RNPC3: variants seen among roughly 807,000 people sequenced by gnomAD.
RNPC3 encodes the protein RNA binding region (RNP1, RRM) containing 3, also known as RNA-binding region-containing protein 3.
In RNPC3, 48 loss-of-function variants were observed where a neutral mutation model predicts 67.5. That is an observed-to-expected ratio of 0.71 (90% CI 0.56 to 0.90). The LOEUF is 0.90. Among genes scored for constraint, RNPC3 ranks in the 40% least tolerant of loss-of-function variants. RNPC3 has a pLI of 0.00. For synonymous variants in RNPC3, 239 were observed against 210.3 expected (o/e 1.14, Z -1.18); for missense variants, 637 against 626.1 (o/e 1.02, Z -0.19).
Position 103,555,135 on chromosome 1 carries a change from T to C in RNPC3, c.*114T>C, listed in dbSNP as rs569601616. The C allele has an allele frequency of 1.5e-4, 23 of 152,232 alleles. No homozygotes were observed. The highest frequency in any genetic ancestry group is 5.3e-4 in the African/African-American group (22 of 41,582). 9.4% of individuals were successfully genotyped at this position (152,232 alleles called of 1,614,324 possible). On this transcript the variant is annotated 3_prime_UTR_variant, in exon 15 of 15. Coordinates refer to ENST00000423855, the MANE Select transcript of RNPC3 (RefSeq NM_017619.4). ...GTGCGTAACAGCTTTGAAAGTGTAT[T>C]TAAAAATTAAATCTATATGCCTTTA...
chr1:103,539,433 A>T (rs1418474174), intron 7 of RNPC3, among the ~76,000 whole-genome samples: 1 of 152,228 alleles, frequency 6.6e-6, no homozygotes, highest in Non-Finnish European at 1.5e-5. Context: ...ACATTTAGGG[A>T]AACAGGCAGT....
rs1650700294 is a variant in RNPC3, at chr1:103,526,162, T to C, written c.92T>C (p.Val31Ala). Residue 31 changes from valine (V) to alanine (A), a missense_variant, in exon 1 of 15, where the codon GTC (valine) becomes GCC (alanine). Val to Ala is a moderately conservative substitution (Grantham distance 64). This residue lies in a region of RNPC3 where 536 missense variants were observed against 500.3 expected (regional missense o/e 1.07). Coordinates refer to ENST00000423855, the MANE Select transcript of RNPC3 (RefSeq NM_017619.4). ...CCTCGGGGCGACCGAACCCTTCTGG[T>C]CAGGCACCTGCCGGCTGAGCTTACT... The part of the protein sequence containing the change: ...SPPRGDRTLL[V>A]RHLPAELTAE... The C allele has an allele frequency of 6.4e-7, 1 of 1,551,556 alleles. No homozygotes were observed. The highest frequency in any genetic ancestry group is 1.4e-5 in the African/African-American group (1 of 73,160).
chr1:103,534,996 ATATCT>A (rs1164878768), intron 4 of RNPC3, 139 bp downstream of exon 4: 3 of 543,720 alleles, frequency 5.5e-6, no homozygotes, highest in Admixed American at 7.3e-5. Flanking sequence ...TTATATACAG[ATATCT>A]TATTGCAAAT....
At chr1:103,551,454 AT>A (rs1231816305) in intron 13 of RNPC3, among the ~76,000 whole-genome samples, 3 of 152,218 alleles carry the variant, frequency 2.0e-5, no homozygotes, top group Non-Finnish European at 4.4e-5. Context: ...TATATCATTG[AT>A]TAACCATCTT....
At chr1:103,545,202 C>A in intron 10 of RNPC3, 100 bp downstream of exon 10, 2 of 932,270 alleles carry the variant, frequency 2.1e-6, no homozygotes, top group Non-Finnish European at 3.1e-6. Context: ...TAATTTAAGG[C>A]ACATACTTTA....
intron 12 of RNPC3, among the ~76,000 whole-genome samples, chr1:103,549,398 A>G (rs1350066234): frequency 1.3e-5 from 2 of 152,120 alleles, no homozygotes; most frequent in African/African-American, 2.4e-5. Flanking sequence ...ACAATTCTCT[A>G]TTTATATCCA....
chr1:103,525,880 AAG>A lies in RNPC3; in HGVS notation c.-188_-187del. On this transcript the variant is annotated 5_prime_UTR_variant, in exon 1 of 15. Transcript: ENST00000423855. ...ATCATTAGCACCGCGCCCTTCCCCG[AAG>A]AGTCTTCGAAGGGTTGCCGCTTTTC... 1.8e-6 allele frequency: 1 copy of A among 566,446 alleles called. No individual in the cohort carries two copies. 35.1% of individuals were successfully genotyped at this position (566,446 alleles called of 1,614,324 possible).
rs183982814 is a variant in RNPC3, at chr1:103,537,162, A to C, written c.625-180A>C. Among the ~76,000 whole-genome samples the C allele has an allele frequency of 3.3e-5, 5 of 152,270 alleles. No individual in the cohort carries two copies. In the South Asian group the frequency reaches 6.2e-4, roughly 19 times the overall value. ...TAGTTCAGCTGAGGGTAAAGGAAGA[A>C]GAGACAAATTTTGTCATCAGCTAGT... On this transcript the variant is annotated intron_variant, in intron 6 of 14. Transcript: ENST00000423855.
chr1:103,538,743 G>A (rs1222639296), intron 7 of RNPC3, among the ~76,000 whole-genome samples: 1 of 152,112 alleles, frequency 6.6e-6, no homozygotes, highest in Non-Finnish European at 1.5e-5. Flanking sequence ...ACTTACCTCA[G>A]AATAATTTCT....
rs1245545741 is a variant in RNPC3, at chr1:103,541,371, A to G, written c.789A>G (p.Leu263=). Residue 263 remains leucine, a synonymous_variant, in exon 8 of 15, where the codon CTA becomes CTG. Coordinates refer to ENST00000423855, the MANE Select transcript of RNPC3 (RefSeq NM_017619.4). The part of the protein sequence containing the change: ...DRQRMNKLME[L]ANLQPKRPKT... Reference sequence around the variant, plus strand: ...GTAGAATGAACAAATTAATGGAACTAGCAAATCTTCAGCCCAAAAGACCTA... The same window carrying G: ...GTAGAATGAACAAATTAATGGAACTGGCAAATCTTCAGCCCAAAAGACCTA... 2.7e-6 allele frequency: 4 copies of G among 1,505,194 alleles called. No homozygotes were observed. The highest frequency in any genetic ancestry group is 3.5e-6 in the Non-Finnish European group (4 of 1,135,980). The allele number at this position is 1,505,194 out of a possible 1,614,324, so 93.2% of individuals were successfully genotyped here. A position where few individuals can be genotyped will look rare whatever the true frequency, so the allele number is the denominator to read the frequency against.
At chr1:103,535,244 G>A (rs1387455988) in intron 4 of RNPC3, 86 bp from the exon 5 acceptor site, 1 of 775,544 alleles carries the variant, frequency 1.3e-6, no homozygotes, top group African/African-American at 1.7e-5. Context: ...CATTTGAGCA[G>A]TGTGTTTGTT....
rs181479342 is a variant in RNPC3 at position 103,541,887 on chromosome 1, T to C, written c.893+412T>C. Among the ~76,000 whole-genome samples, 325 of 152,176 alleles carry C rather than the reference T, an allele frequency of 2.1e-3. 2 individuals are homozygous for C. The highest frequency in any genetic ancestry group is 7.6e-3 in the African/African-American group (315 of 41,580). On this transcript the variant is annotated intron_variant, in intron 8 of 14. Coordinates refer to ENST00000423855, the MANE Select transcript of RNPC3 (RefSeq NM_017619.4). ...ACATCAGTGTGTTTATATACAGTTA[T>C]TTAGTTTCTCTTAACTCCATCACCT...
chr1:103,553,856 C>T (rs951216654), intron 14 of RNPC3: 23 of 152,278 alleles, frequency 1.5e-4, no homozygotes, highest in African/African-American at 5.5e-4. Context: ...AAGTATCTTT[C>T]TTCTTTCCCC....
chr1:103,537,638 G>C (rs771900198), intron 7 of RNPC3, among the ~76,000 whole-genome samples, 154 bp downstream of exon 7: 2 of 152,064 alleles, frequency 1.3e-5, no homozygotes, highest in Non-Finnish European at 2.9e-5. Flanking sequence ...ATATATAGCA[G>C]CTATAAATTA....
intron 12 of RNPC3, among the ~76,000 whole-genome samples, chr1:103,549,317 C>T (rs563401386): frequency 2.2e-4 from 34 of 152,252 alleles, no homozygotes; most frequent in African/African-American, 7.2e-4. Flanking sequence ...TCAAGTGACA[C>T]CAATACTTTA....
intron 8 of RNPC3, among the ~76,000 whole-genome samples, chr1:103,543,063 C>T (rs755820746): frequency 9.2e-5 from 14 of 151,738 alleles, no homozygotes; most frequent in Non-Finnish European, 4.4e-5. Context: ...AAATTATTGA[C>T]ATCGCTGAAC....
chr1:103,550,407 G>A (rs888751531), intron 12 of RNPC3, among the ~76,000 whole-genome samples: 16 of 151,820 alleles, frequency 1.1e-4, no homozygotes, highest in Non-Finnish European at 1.5e-5. Context: ...GCCGAGGCGG[G>A]CAGATCACGA....
At chr1:103,534,259 A>C (rs1202822642) in intron 3 of RNPC3, among the ~76,000 whole-genome samples, 2 of 151,984 alleles carry the variant, frequency 1.3e-5, no homozygotes, top group East Asian at 3.8e-4. Flanking sequence ...TGGTTCTCAA[A>C]GTGTGGTCCC....
chr1:103,528,433 CTA>C (rs1414550114), intron 2 of RNPC3, among the ~76,000 whole-genome samples: 1 of 152,018 alleles, frequency 6.6e-6, no homozygotes, highest in African/African-American at 2.4e-5. Context: ...GCAAGAATAA[CTA>C]TCTGAAGAAG....
Sources: allele counts gnomAD v4.1 joint callset (sites outside exome capture counted in the v4.1 genomes callset), GRCh38; gene constraint gnomAD v4.1.1; regional missense constraint gnomAD v4.1.1; transcripts MANE v1.5; gene names NCBI Gene and HGNC (gene_info 2026-07-23, HGNC 2026-07-21).